ALG12: variants seen among roughly 807,000 people sequenced by gnomAD.
The protein encoded by ALG12 is ALG12 alpha-1,6-mannosyltransferase, also known as dol-P-Man:Man(7)GlcNAc(2)-PP-Dol alpha-1,6-mannosyltransferase.
Under a neutral mutation model 46.0 loss-of-function variants are expected in ALG12, and 36 were observed. The ratio of observed to expected loss-of-function variants is 0.78; its 90% CI spans 0.60 to 1.03. ALG12 has a LOEUF of 1.03. Among genes scored for constraint, ALG12 ranks in the 50% least tolerant of loss-of-function variants. The probability of loss-of-function intolerance (pLI) is 0.00; values close to 1 mark genes in which losing one functional copy is unlikely to be tolerated. For synonymous variants in ALG12, 326 were observed against 291.6 expected (o/e 1.12, Z -1.20); for missense variants, 599 against 633.5 (o/e 0.95, Z 0.58).
downstream of ALG12, chr22:49,900,198 C>T (rs2060498393): frequency 6.6e-6 from 1 of 152,208 alleles, no homozygotes; most frequent in African/African-American, 2.4e-5. Context: ...AAAGAGCCTA[C>T]AAAGAATGCT....
chr22:49,885,038 C>T, the ALG12 span: 8 of 1,612,136 alleles, frequency 5.0e-6, no homozygotes, highest in South Asian at 1.1e-5. Flanking sequence ...AGACTGAAGT[C>T]GGAGGTCTGG....
At chr22:49,908,025 C>A in intron 6 of ALG12, 81 bp from the exon 7 acceptor site, 1 of 1,394,124 alleles carries the variant, frequency 7.2e-7, no homozygotes, top group Non-Finnish European at 9.9e-7. Flanking sequence ...GTGGAGAAGA[C>A]GCTTGAAGAC....
At chr22:49,872,423 TG>T in the ALG12 span, among the ~76,000 whole-genome samples, 1 of 152,200 alleles carries the variant, frequency 6.6e-6, no homozygotes, top group African/African-American at 2.4e-5. Context: ...CTTCCTCCAT[TG>T]AAGTCTGAGC....
At position 49,910,071 on chromosome 22, in the gene ALG12, C is replaced by T; in HGVS notation, c.487G>A (p.Ala163Thr). 2 of 1,609,930 alleles carry T rather than the reference C, an allele frequency of 1.2e-6. No individual in the cohort carries two copies. Among genetic ancestry groups the T allele is most frequent in the Non-Finnish European group, 1.7e-6 (2 of 1,178,614 alleles). Residue 163 changes from alanine to threonine, a missense_variant, in exon 5 of 10, where the codon GCC (alanine) becomes ACC (threonine). Coordinates refer to ENST00000330817, the MANE Select transcript of ALG12 (RefSeq NM_024105.4). ...ALPVVLLALAAWLRHEWARFI... is the reference protein window; with the variant it reads ...ALPVVLLALATWLRHEWARFI... ...CGGGCCCACTCGTGCCGCAGCCAGG[C>T]CGCGAGGGCCAGCAGGACTGCAAGA... is the stretch of plus-strand genomic sequence containing the variant.
the ALG12 span, chr22:49,888,011 A>G: frequency 6.0e-6 from 1 of 167,246 alleles, no homozygotes. Context: ...CTGTCTTTCA[A>G]AATGTGTGCA....
intron 3 of ALG12, 50 bp downstream of exon 3, chr22:49,913,335 A>G (rs1203759477): frequency 6.2e-7 from 1 of 1,611,400 alleles, no homozygotes. Flanking sequence ...AGGTCACCCG[A>G]TGACACCACA....
chr22:49,903,704 T>A lies in ALG12; in HGVS notation c.*134A>T. The A allele has an allele frequency of 9.8e-7, 1 of 1,017,812 alleles. No homozygotes were observed. The highest frequency in any genetic ancestry group is 1.5e-6 in the Non-Finnish European group (1 of 667,924). The allele number at this position is 1,017,812 out of a possible 1,614,324, so 63.0% of individuals were successfully genotyped here. On this transcript the variant is annotated 3_prime_UTR_variant, in exon 10 of 10. Coordinates refer to ENST00000330817, the MANE Select transcript of ALG12 (RefSeq NM_024105.4). ...AGGAGGCCCTGGACCTGGTCTGGTG[T>A]CTGTCAGAGGCAGGTGCCCAGTCCT...
At chr22:49,865,680 A>G in the ALG12 span, among the ~76,000 whole-genome samples, 1 of 151,784 alleles carries the variant, frequency 6.6e-6, no homozygotes, top group African/African-American at 2.4e-5. Flanking sequence ...ATAAAAATAA[A>G]TGCTCACATT....
chr22:49,866,046 C>G, the ALG12 span, among the ~76,000 whole-genome samples: 1 of 152,032 alleles, frequency 6.6e-6, no homozygotes, highest in Non-Finnish European at 1.5e-5. Flanking sequence ...CTATGTTATT[C>G]TATGGTCTTC....
the ALG12 span, chr22:49,884,406 A>G: frequency 6.2e-7 from 1 of 1,613,394 alleles, no homozygotes; most frequent in Non-Finnish European, 8.5e-7. Context: ...GCGGCAGAGA[A>G]GAAGCCCTGG....
chr22:49,875,246 T>G, the ALG12 span, among the ~76,000 whole-genome samples: 1 of 151,948 alleles, frequency 6.6e-6, no homozygotes, highest in African/African-American at 2.4e-5. Context: ...TCTTTAATGT[T>G]TGGTAGAATT....
chr22:49,896,596 C>T (rs2060484311), downstream of ALG12, among the ~76,000 whole-genome samples: 1 of 152,156 alleles, frequency 6.6e-6, no homozygotes, highest in Non-Finnish European at 1.5e-5. Context: ...CTTTTCCTGT[C>T]AACATTTACC....
chr22:49,862,495 T>G, the ALG12 span, among the ~76,000 whole-genome samples: 1 of 152,146 alleles, frequency 6.6e-6, no homozygotes, highest in Non-Finnish European at 1.5e-5. Flanking sequence ...TCTAGCGTAA[T>G]GAGTCATATG....
At chr22:49,895,661 A>T (rs1005342689), downstream of ALG12, among the ~76,000 whole-genome samples, 1 of 151,870 alleles carries the variant, frequency 6.6e-6, no homozygotes, top group Non-Finnish European at 1.5e-5. Flanking sequence ...CAAAAATAAA[A>T]AAAAAAAAAA....
the ALG12 span, among the ~76,000 whole-genome samples, chr22:49,894,073 G>A: frequency 2.6e-5 from 4 of 152,174 alleles, no homozygotes; most frequent in Admixed American, 6.5e-5. Flanking sequence ...GTTGAGGCAC[G>A]AGAATTGCTT....
the ALG12 span, among the ~76,000 whole-genome samples, chr22:49,870,457 T>G: frequency 7.2e-5 from 11 of 152,192 alleles, no homozygotes; most frequent in African/African-American, 2.7e-4. Flanking sequence ...TGCTTGAGTT[T>G]CCCTTTTCTC....
downstream of ALG12, among the ~76,000 whole-genome samples, chr22:49,899,551 G>A (rs1044142925): frequency 2.0e-5 from 3 of 151,672 alleles, no homozygotes; most frequent in African/African-American, 4.8e-5. Flanking sequence ...AAAAAGGCTC[G>A]GCTCTGTGGG....
rs199727786 is a variant in ALG12, at chr22:49,910,018, G to A, written c.540C>T (p.Ile180=). 6.2e-7 allele frequency: 1 copy of A among 1,613,768 alleles called. No individual in the cohort carries two copies. The highest frequency in any genetic ancestry group is 1.7e-5 in the Admixed American group (1 of 60,012). ...GGCACAGCTCCACCCTGAACACGAT[G>A]ATGGCGAAGGCTGACAGCCAGATGA... ...ARFIWLSAFA[I]IVFRVELCLF... The change falls in exon 5 of 10, where the codon ATC becomes ATT. Residue 180 remains isoleucine, a synonymous_variant. Coordinates refer to ENST00000330817, the MANE Select transcript of ALG12 (RefSeq NM_024105.4).
rs2060538122 is a variant in ALG12, at chr22:49,905,620, C to T, written c.993-1114G>A. 6.6e-6 allele frequency among the ~76,000 whole-genome samples: 1 copy of T among 152,240 alleles called. No individual in the cohort carries two copies. Among genetic ancestry groups the T allele is most frequent in the Non-Finnish European group, 1.5e-5 (1 of 68,048 alleles). On this transcript the variant is annotated intron_variant, in intron 7 of 9. Transcript: ENST00000330817. The surrounding 1 kb of genome is among the most constrained non-coding windows in gnomAD (Gnocchi z 4.9). ...GGCCACATAAAAGCGTGCCCGCTTC[C>T]CTCTCGCCTTCCGCCATAATGGAAA...
Sources: allele counts gnomAD v4.1 joint callset (sites outside exome capture counted in the v4.1 genomes callset), GRCh38; gene constraint gnomAD v4.1.1; non-coding constraint Gnocchi (gnomAD v3.1); transcripts MANE v1.5; gene names NCBI Gene and HGNC (gene_info 2026-07-23, HGNC 2026-07-21).